The following TANC2 variants were observed in gnomAD, a reference collection of about 807,000 sequenced individuals.
The protein encoded by TANC2 is protein TANC2.
Under a neutral mutation model 210.5 loss-of-function variants are expected in TANC2, and 26 were observed. The ratio of observed to expected loss-of-function variants is 0.12; its 90% CI spans 0.09 to 0.17. The LOEUF (loss-of-function observed/expected upper bound fraction) is 0.17, where lower values mean the gene tolerates loss of function less well. Among genes scored for constraint, TANC2 ranks in the 10% least tolerant of loss-of-function variants. TANC2 has a pLI of 1.00. For synonymous variants in TANC2, 931 were observed against 967.1 expected, an observed-to-expected ratio of 0.96 and a Z score of 0.69; for missense variants, 2,129 against 2,608.9, an observed-to-expected ratio of 0.82 and a Z score of 4.01.
intron 3 of TANC2, among the ~76,000 whole-genome samples, chr17:63,075,316 A>G (rs1421963343): frequency 1.3e-5 from 2 of 152,198 alleles, no homozygotes; most frequent in Non-Finnish European, 2.9e-5. Flanking sequence ...GTCAGTTAAA[A>G]TATTTTTCAA....
chr17:63,406,983 G>A (rs945484539), intron 21 of TANC2, among the ~76,000 whole-genome samples: 1 of 152,224 alleles, frequency 6.6e-6, no homozygotes, highest in African/African-American at 2.4e-5. Flanking sequence ...ATTCCAGTTA[G>A]CCTCCACTAT....
chr17:63,403,726 G>A (rs1187738108), intron 19 of TANC2, among the ~76,000 whole-genome samples: 1 of 152,186 alleles, frequency 6.6e-6, no homozygotes, highest in Non-Finnish European at 1.5e-5. Flanking sequence ...ACAAGCCATA[G>A]ATAGAACTGG....
chr17:63,297,765 GAA>G (rs1043013162), intron 9 of TANC2, among the ~76,000 whole-genome samples: 2 of 151,930 alleles, frequency 1.3e-5, no homozygotes, highest in Admixed American at 1.3e-4. Context: ...TGAAAAAAAT[GAA>G]AAGACAGCCC....
chr17:63,351,935 G>A (rs1038153187), intron 13 of TANC2, among the ~76,000 whole-genome samples: 1 of 152,074 alleles, frequency 6.6e-6, no homozygotes. Flanking sequence ...ACAACTGAGA[G>A]AGAAGGTTTT....
intron 15 of TANC2, 147 bp from the exon 16 acceptor site, chr17:63,388,488 C>A (rs1038237730): frequency 2.9e-5 from 21 of 734,950 alleles, no homozygotes; most frequent in East Asian, 1.2e-4. Context: ...TTTGTCCCCC[C>A]ACCTAGGCTT....
intron 7 of TANC2, among the ~76,000 whole-genome samples, chr17:63,216,264 G>A (rs896117891): frequency 2.0e-5 from 3 of 151,370 alleles, no homozygotes; most frequent in Admixed American, 2.0e-4. Flanking sequence ...GGCCAGGCTG[G>A]TCTGGAACTC....
At chr17:63,101,960 A>G (rs1025835199) in intron 4 of TANC2, among the ~76,000 whole-genome samples, 4 of 152,184 alleles carry the variant, frequency 2.6e-5, no homozygotes, top group Non-Finnish European at 4.4e-5. Flanking sequence ...AATGGAAAGA[A>G]GGCAAGTGTG....
At chr17:63,392,968 G>C (rs181298448) in intron 17 of TANC2, among the ~76,000 whole-genome samples, 1 of 152,238 alleles carries the variant, frequency 6.6e-6, no homozygotes, top group African/African-American at 2.4e-5. Flanking sequence ...AAGTAATTTG[G>C]TGATAATACT....
intron 6 of TANC2, among the ~76,000 whole-genome samples, chr17:63,194,444 T>C (rs1246956433): frequency 6.6e-6 from 1 of 152,232 alleles, no homozygotes; most frequent in Non-Finnish European, 1.5e-5. Flanking sequence ...TGCATGTGGA[T>C]TATTTACCGA....
At chr17:63,357,404 A>G (rs1350311374) in intron 14 of TANC2, among the ~76,000 whole-genome samples, 1 of 152,238 alleles carries the variant, frequency 6.6e-6, no homozygotes, top group Non-Finnish European at 1.5e-5. Flanking sequence ...CATTTTAACT[A>G]GGAGTTTTGC....
chr17:63,108,667 G>T (rs1489983590), intron 4 of TANC2, among the ~76,000 whole-genome samples: 1 of 151,438 alleles, frequency 6.6e-6, no homozygotes, highest in African/African-American at 2.4e-5. Context: ...AAATCAGCTG[G>T]GTGTGGTGTC....
At position 63,388,777 on chromosome 17, in the gene TANC2, A is replaced by T. The variant is rs1480899927; in HGVS notation, c.2814+20A>T. ...ATAAAGGTAAATTTATAAAGAAATT[A>T]TAAATATGATAAGGAATTAACTATG... On this transcript the variant is annotated intron_variant, in intron 16 of 27. Coordinates refer to ENST00000689528, the Ensembl canonical transcript of TANC2. 6.7e-7 allele frequency: 1 copy of T among 1,484,008 alleles called. No homozygotes were observed. Among genetic ancestry groups the T allele is most frequent in the Admixed American group, 2.2e-5 (1 of 44,792 alleles). The allele number at this position is 1,484,008 out of a possible 1,614,324, so 91.9% of individuals were successfully genotyped here.
intron 3 of TANC2, among the ~76,000 whole-genome samples, chr17:63,097,939 CTACATT>C (rs1567720266): frequency 6.6e-6 from 1 of 152,108 alleles, no homozygotes; most frequent in Admixed American, 6.6e-5. Context: ...GATGTCTAAT[CTACATT>C]TACATCTATT....
At chr17:62,973,281 C>G (rs2031814336) in intron 1 of TANC2, among the ~76,000 whole-genome samples, 1 of 152,214 alleles carries the variant, frequency 6.6e-6, no homozygotes, top group Non-Finnish European at 1.5e-5. Flanking sequence ...ATCGGCCCGT[C>G]TCAGCCTCCC....
intron 8 of TANC2, among the ~76,000 whole-genome samples, chr17:63,245,879 G>A (rs932628113): frequency 2.0e-5 from 3 of 151,014 alleles, no homozygotes; most frequent in Admixed American, 6.6e-5. Flanking sequence ...GCATGGTAGC[G>A]TGCACCTGTA....
At chr17:63,239,641 T>C (rs1237845654) in intron 8 of TANC2, among the ~76,000 whole-genome samples, 8 of 152,212 alleles carry the variant, frequency 5.3e-5, no homozygotes, top group African/African-American at 9.6e-5. Context: ...GGAAATTTTT[T>C]ATCCTAGGAC....
At chr17:63,378,402 A>AC in intron 14 of TANC2, among the ~76,000 whole-genome samples, 1 of 152,204 alleles carries the variant, frequency 6.6e-6, no homozygotes, top group Non-Finnish European at 1.5e-5. Context: ...AGCTGGAAAA[A>AC]AAAAACAAAA....
intron 9 of TANC2, among the ~76,000 whole-genome samples, chr17:63,283,756 T>TA (rs2044135662): frequency 6.6e-6 from 1 of 152,024 alleles, no homozygotes; most frequent in African/African-American, 2.4e-5. Context: ...TTGTAAATGA[T>TA]ATTGCTTTTA....
chr17:63,090,202 CTT>C (rs11312036), intron 3 of TANC2, among the ~76,000 whole-genome samples: 4 of 144,448 alleles, frequency 2.8e-5, no homozygotes, highest in Admixed American at 1.4e-4. Context: ...GTATTACTGA[CTT>C]TTTTTTTTGA....
Sources: allele counts gnomAD v4.1 joint callset (sites outside exome capture counted in the v4.1 genomes callset), GRCh38; gene constraint gnomAD v4.1.1; transcripts MANE v1.5; gene names NCBI Gene and HGNC (gene_info 2026-07-23, HGNC 2026-07-21).